Variants in UNC79 observed in about 807,000 individuals in gnomAD.
UNC79 encodes the protein protein unc-79 homolog.
Under a neutral mutation model 283.1 loss-of-function variants are expected in UNC79, and 37 were observed. That is an observed-to-expected ratio of 0.13 (90% confidence interval 0.10 to 0.17). The LOEUF (loss-of-function observed/expected upper bound fraction) is 0.17, where lower values mean the gene tolerates loss of function less well. Among genes scored for constraint, UNC79 ranks in the 10% least tolerant of loss-of-function variants. UNC79 has a pLI of 1.00. For synonymous variants in UNC79, 1,107 were observed against 1,200.2 expected (o/e 0.92, Z 1.61); for missense variants, 2,272 against 3,211.1 (o/e 0.71, Z 7.07).
At chr14:93,534,440 CTT>C (rs1298724453) in intron 11 of UNC79, among the ~76,000 whole-genome samples, 2 of 152,254 alleles carry the variant, frequency 1.3e-5, no homozygotes, top group African/African-American at 4.8e-5. Context: ...TTCTTAAAAA[CTT>C]TGTGGATTTT....
intron 40 of UNC79, among the ~76,000 whole-genome samples, chr14:93,665,140 TAAA>T (rs934560753): frequency 5.4e-5 from 8 of 148,912 alleles, no homozygotes; most frequent in Non-Finnish European, 7.4e-5. Context: ...TAAAATATAA[TAAA>T]AATATAAATC....
chr14:93,622,250 C>T, exon 30 of UNC79: 1 of 1,614,154 alleles, frequency 6.2e-7, no homozygotes, highest in Non-Finnish European at 8.5e-7. Flanking sequence ...CGTCCCCAGC[C>T]ATCCCTCCGT....
At chr14:93,594,887 A>G (rs1306363496) in intron 23 of UNC79, among the ~76,000 whole-genome samples, 2 of 152,164 alleles carry the variant, frequency 1.3e-5, no homozygotes, top group Non-Finnish European at 2.9e-5. Context: ...AAGTTTCATC[A>G]GTGAGGTAAC....
intron 1 of UNC79, among the ~76,000 whole-genome samples, chr14:93,335,335 G>C (rs1171507276): frequency 6.6e-6 from 1 of 152,218 alleles, no homozygotes; most frequent in African/African-American, 2.4e-5. Context: ...TCAGAATTTA[G>C]ATGTTTATTT....
chr14:93,655,420 G>T lies in UNC79; in HGVS notation c.6456+13G>T. The T allele has an allele frequency of 6.2e-7, 1 of 1,609,108 alleles. No homozygotes were observed. The highest frequency in any genetic ancestry group is 8.5e-7 in the Non-Finnish European group (1 of 1,177,252). On this transcript the variant is annotated intron_variant, in intron 38 of 48. Coordinates refer to ENST00000555664, the Ensembl canonical transcript of UNC79. Reference sequence around the variant, plus strand: ...TTTACCTCTGAAGGTAAGCTGAGCCGAAGGTTTCATTTTCAATTAATTTCT... The same window carrying T: ...TTTACCTCTGAAGGTAAGCTGAGCCTAAGGTTTCATTTTCAATTAATTTCT...
At chr14:93,666,605 A>G (rs1460058368) in intron 40 of UNC79, among the ~76,000 whole-genome samples, 1 of 152,184 alleles carries the variant, frequency 6.6e-6, no homozygotes, top group Non-Finnish European at 1.5e-5. Flanking sequence ...GCCTCCAAAT[A>G]TATAAAACAA....
intron 26 of UNC79, among the ~76,000 whole-genome samples, chr14:93,612,263 A>C (rs1210832265): frequency 6.6e-6 from 1 of 152,202 alleles, no homozygotes; most frequent in Non-Finnish European, 1.5e-5. Flanking sequence ...GCCTATTGCT[A>C]ATATCTCAGG....
rs760394496 is a variant in UNC79, at chr14:93,621,996, C to T, written c.4763C>T (p.Thr1588Ile). 1 of 1,614,072 alleles carries T rather than the reference C, an allele frequency of 6.2e-7. No individual in the cohort carries two copies. Among genetic ancestry groups the T allele is most frequent in the Non-Finnish European group, 8.5e-7 (1 of 1,180,018 alleles). ...GAGGTTAGGTTAAACTGTATGGAGA[C>T]TTTCGAGGTGAAAGTTGACTCGCCG... The change falls in exon 30 of 49, where the codon ACT becomes ATT. Residue 1588 changes from threonine to isoleucine, a missense_variant. Thr to Ile is a moderately conservative substitution (Grantham distance 89, BLOSUM62 -1). Around this residue, in one of 11 missense-constraint regions of UNC79, gnomAD observed 580 missense variants for 632.2 expected, o/e 0.92. Transcript: ENST00000555664. This position sits in a 1 kb window ranked among gnomAD's most constrained non-coding sequence, Gnocchi z 4.8.
At chr14:93,423,872 TCAA>T (rs747443408) in intron 1 of UNC79, among the ~76,000 whole-genome samples, 3 of 152,112 alleles carry the variant, frequency 2.0e-5, no homozygotes, top group Non-Finnish European at 4.4e-5. Flanking sequence ...TGGGATCACA[TCAA>T]GTTAAAAGGC....
chr14:93,706,578 C>A, intron 48 of UNC79, 126 bp from the exon 52 acceptor site: 2 of 1,061,822 alleles, frequency 1.9e-6, no homozygotes, highest in Non-Finnish European at 1.4e-6. Flanking sequence ...AGAGAGTTTG[C>A]CTTCTTCAGG....
At chr14:93,464,418 C>T (rs556455219) in intron 1 of UNC79, 13 of 420,488 alleles carry the variant, frequency 3.1e-5, no homozygotes, top group Admixed American at 5.3e-5. Flanking sequence ...TCTTATGTGT[C>T]CTAATCTCCT....
At chr14:93,703,854 T>C (rs2075697636) in intron 47 of UNC79, among the ~76,000 whole-genome samples, 1 of 152,116 alleles carries the variant, frequency 6.6e-6, no homozygotes, top group Non-Finnish European at 1.5e-5. Context: ...GGGACACAGT[T>C]TGAGGAATGC....
chr14:93,694,296 C>T (rs1366784935), intron 46 of UNC79, 39 bp from the exon 50 acceptor site: 1 of 1,589,732 alleles, frequency 6.3e-7, no homozygotes, highest in Non-Finnish European at 8.6e-7. Flanking sequence ...GTTTCTATAT[C>T]ACTGGAAATG....
chr14:93,612,741 A>G, intron 26 of UNC79, 56 bp from the exon 28 acceptor site: 3 of 1,572,932 alleles, frequency 1.9e-6, no homozygotes, highest in Non-Finnish European at 2.6e-6. Context: ...GAGAGATTTT[A>G]GTGTCACTTC....
In UNC79 at chr14:93,621,125, TTAC is replaced by T; in HGVS notation, c.4388-492_4388-490del. ...GGGGTGAAATCTTAATTTTATTATG[TTAC>T]TACACATTTTAATACCGTTGATTTA... On this transcript the variant is annotated intron_variant, in intron 29 of 48. Coordinates refer to ENST00000555664, the Ensembl canonical transcript of UNC79. The surrounding 1 kb of genome is among the most constrained non-coding windows in gnomAD (Gnocchi z 4.8). The T allele has an allele frequency of 2.4e-6, 1 of 423,118 alleles. No individual in the cohort carries two copies. The highest frequency in any genetic ancestry group is 4.6e-6 in the Non-Finnish European group (1 of 215,822). 26.2% of individuals were successfully genotyped at this position (423,118 alleles called of 1,614,324 possible). A position where few individuals can be genotyped will look rare whatever the true frequency, so the allele number is the denominator to read the frequency against.
chr14:93,528,753 C>T (rs2060661760), intron 9 of UNC79, 107 bp downstream of exon 9: 2 of 1,044,870 alleles, frequency 1.9e-6, no homozygotes, highest in Non-Finnish European at 2.8e-6. Flanking sequence ...TCTCTAGCCT[C>T]TCTGATTTTT....
rs1279688488 is a variant in UNC79 at position 93,467,649 on chromosome 14, T to A, written c.23-22T>A. 3.6e-6 allele frequency: 4 copies of A among 1,104,710 alleles called. No homozygotes were observed. The African/African-American group carries it at 9.0e-5, about 25-fold the overall frequency. 68.4% of individuals were successfully genotyped at this position (1,104,710 alleles called of 1,614,324 possible). ...CTTCCTTTTTTTTTTTTTTTTTTTT[T>A]TTTTTTTTTGCTTTTATCTAGTTGC... is the stretch of plus-strand genomic sequence containing the variant. On this transcript the variant is annotated intron_variant, in intron 1 of 48. Transcript: ENST00000555664.
intron 1 of UNC79, among the ~76,000 whole-genome samples, chr14:93,360,564 C>T (rs751599813): frequency 6.6e-6 from 1 of 152,222 alleles, no homozygotes; most frequent in Non-Finnish European, 1.5e-5. Context: ...TTTCTCCATT[C>T]CTGTCCATGA....
intron 2 of UNC79, among the ~76,000 whole-genome samples, chr14:93,473,265 T>G (rs1398627858): frequency 1.3e-5 from 2 of 152,100 alleles, no homozygotes; most frequent in Non-Finnish European, 2.9e-5. Context: ...ATTTTGAAGG[T>G]AACTATTTAA....
Sources: allele counts gnomAD v4.1 joint callset (sites outside exome capture counted in the v4.1 genomes callset), GRCh38; gene constraint gnomAD v4.1.1; regional missense constraint gnomAD v4.1.1; non-coding constraint Gnocchi (gnomAD v3.1); transcripts MANE v1.5; gene names NCBI Gene and HGNC (gene_info 2026-07-23, HGNC 2026-07-21).